RRBP1: variants seen among roughly 807,000 people sequenced by gnomAD.
RRBP1 encodes ribosome-binding protein 1.
RRBP1 carries 94 observed loss-of-function variants against 165.2 expected under a neutral mutation model. The ratio of observed to expected loss-of-function variants is 0.57; its 90% confidence interval spans 0.48 to 0.68. RRBP1 has a LOEUF of 0.68. RRBP1 is among the 30% of genes least tolerant of loss of function. The pLI is 0.00. For missense variants in RRBP1, 1,676 were observed against 1,763.0 expected (o/e 0.95, Z 0.88); for synonymous variants, 680 against 714.5 (o/e 0.95, Z 0.77).
chr20:17,650,783 C>T (rs2036542555), intron 3 of RRBP1, among the ~76,000 whole-genome samples: 1 of 152,214 alleles, frequency 6.6e-6, no homozygotes, highest in Non-Finnish European at 1.5e-5. Context: ...GGACAGCTCT[C>T]CTGCCAGTGT....
At chr20:17,656,473 C>G (rs2036647786) in intron 3 of RRBP1, among the ~76,000 whole-genome samples, 1 of 152,156 alleles carries the variant, frequency 6.6e-6, no homozygotes, top group Non-Finnish European at 1.5e-5. Flanking sequence ...AAGTGCTTGG[C>G]GGGTCTAAGA....
intron 9 of RRBP1, 29 bp downstream of exon 9, chr20:17,629,794 A>AC: frequency 1.3e-6 from 2 of 1,582,880 alleles, no homozygotes; most frequent in South Asian, 2.2e-5. Context: ...CCTGCACTGA[A>AC]CCCCCGGCCC....
At chr20:17,641,573 A>AG (rs1286352574) in intron 5 of RRBP1, 3 of 593,006 alleles carry the variant, frequency 5.1e-6, no homozygotes, top group Non-Finnish European at 9.0e-6. Context: ...ACAGCCACGA[A>AG]GGAAGCCACC....
At chr20:17,661,516 A>C (rs2036766068) in intron 2 of RRBP1, among the ~76,000 whole-genome samples, 1 of 152,236 alleles carries the variant, frequency 6.6e-6, no homozygotes, top group African/African-American at 2.4e-5. Context: ...AATGGGTCAG[A>C]GGCATCCAGG....
chr20:17,624,565 C>A lies in RRBP1; in HGVS notation c.3147+11G>T. On this transcript the variant is annotated intron_variant, in intron 13 of 24. Transcript: ENST00000377813. ...TCCATGGTGGGGGTGTGAGTGTGGT[C>A]GGGCTCTGACCTTGGCCTGGGTCAG... 2.5e-6 allele frequency: 4 copies of A among 1,574,662 alleles called. No homozygotes were observed. Among genetic ancestry groups the A allele is most frequent in the Non-Finnish European group, 3.5e-6 (4 of 1,156,292 alleles).
intron 3 of RRBP1, among the ~76,000 whole-genome samples, chr20:17,653,911 C>T (rs1476042657): frequency 3.3e-5 from 5 of 152,082 alleles, no homozygotes; most frequent in Non-Finnish European, 5.9e-5. Context: ...CTCACAACCC[C>T]CAGCCACCAA....
chr20:17,666,723 G>C lies in RRBP1; in HGVS notation c.-21-6195C>G, dbSNP rs554402984. Reference sequence around the variant, plus strand: ...AGTCTGTGCAATAAGCTGCCTTGTAGCATTCGCAAGTTACTACTTCTAATG... The same window carrying C: ...AGTCTGTGCAATAAGCTGCCTTGTACCATTCGCAAGTTACTACTTCTAATG... On this transcript the variant is annotated intron_variant, in intron 2 of 24. Coordinates refer to ENST00000377813, the MANE Select transcript of RRBP1 (RefSeq NM_001365613.2). 4.6e-5 allele frequency among the ~76,000 whole-genome samples: 7 copies of C among 152,368 alleles called. No homozygotes were observed. In the East Asian group the frequency reaches 1.3e-3, roughly 29 times the overall value.
At chr20:17,636,441 C>T in intron 6 of RRBP1, 136 bp downstream of exon 6, 2 of 1,051,278 alleles carry the variant, frequency 1.9e-6, no homozygotes, top group East Asian at 2.5e-5. Context: ...CTAAACCTGA[C>T]CAGACCTTAC....
chr20:17,639,159 A>C (rs1397492417), intron 5 of RRBP1, among the ~76,000 whole-genome samples: 1 of 152,148 alleles, frequency 6.6e-6, no homozygotes, highest in African/African-American at 2.4e-5. Flanking sequence ...TGGTTACATC[A>C]CTGGAGCTCT....
chr20:17,635,745 C>T, intron 6 of RRBP1, 81 bp from the exon 7 acceptor site: 3 of 1,031,590 alleles, frequency 2.9e-6, no homozygotes, highest in Non-Finnish European at 1.5e-6. Context: ...TTAGTGAAGA[C>T]ACAGCCCACA....
At position 17,659,161 on chromosome 20, in the gene RRBP1, G is replaced by A; in HGVS notation, c.1347C>T (p.Gly449=). The A allele has an allele frequency of 6.5e-7, 1 of 1,548,930 alleles. No individual in the cohort carries two copies. The highest frequency in any genetic ancestry group is 1.2e-5 in the South Asian group (1 of 83,910). The change falls in exon 3 of 25, where the codon GGC becomes GGT. Residue 449 remains glycine (G), a synonymous_variant. Coordinates refer to ENST00000377813, the MANE Select transcript of RRBP1 (RefSeq NM_001365613.2). ...GKKAEGAQNQ[G]KKAEGAQNQG... ...GGTTCTGGGCCCCCTCGGCCTTCTT[G>A]CCCTGGTTCTGGGCCCCCTCGGCCT...
At chr20:17,630,058 A>G in intron 8 of RRBP1, 97 bp from the exon 9 acceptor site, 1 of 1,336,582 alleles carries the variant, frequency 7.5e-7, no homozygotes, top group Non-Finnish European at 1.0e-6. Context: ...TACCCCACCA[A>G]AGCCCCGTGC....
chr20:17,635,324 G>A (rs1369538698), intron 7 of RRBP1, among the ~76,000 whole-genome samples: 3 of 152,340 alleles, frequency 2.0e-5, no homozygotes, highest in Non-Finnish European at 2.9e-5. Context: ...GTGCTCCAGG[G>A]CACAGTCGAG....
intron 11 of RRBP1, among the ~76,000 whole-genome samples, chr20:17,626,403 C>T (rs1444538688): frequency 6.6e-6 from 1 of 152,166 alleles, no homozygotes; most frequent in Admixed American, 6.5e-5. Context: ...TCATTCTGGG[C>T]CCTCAGGGCA....
rs1461207225 is a variant in RRBP1 at position 17,620,298 on chromosome 20, C to T, written c.3579+1G>A. ...AAGAGTTCTCTGAGCAGAGCACATACCTGGTCCGAACTTTCAAGTTCTCCT... is the reference window on the plus strand; with the variant it reads ...AAGAGTTCTCTGAGCAGAGCACATATCTGGTCCGAACTTTCAAGTTCTCCT... On this transcript the variant is annotated splice_donor_variant, in intron 18 of 24. Coordinates refer to ENST00000377813, the MANE Select transcript of RRBP1 (RefSeq NM_001365613.2). LOFTEE classifies it high-confidence loss of function. The T allele has an allele frequency of 6.2e-7, 1 of 1,611,430 alleles. No homozygotes were observed. Among genetic ancestry groups the T allele is most frequent in the Admixed American group, 1.7e-5 (1 of 60,024 alleles).
At chr20:17,670,482 A>G (rs1338951368) in intron 2 of RRBP1, among the ~76,000 whole-genome samples, 1 of 151,098 alleles carries the variant, frequency 6.6e-6, no homozygotes, top group Admixed American at 6.6e-5. Context: ...CACAAAATTC[A>G]AAGTTAAACA....
intron 9 of RRBP1, among the ~76,000 whole-genome samples, chr20:17,629,477 AC>A (rs1196028089): frequency 6.6e-6 from 1 of 151,988 alleles, no homozygotes; most frequent in Non-Finnish European, 1.5e-5. Flanking sequence ...GCCACTGCGG[AC>A]CCAGGCTTGG....
intron 9 of RRBP1, 103 bp downstream of exon 9, chr20:17,629,720 A>T (rs896577320): frequency 8.0e-7 from 1 of 1,249,444 alleles, no homozygotes; most frequent in African/African-American, 1.5e-5. Context: ...CCCTCACCCA[A>T]CAGGCCTAAC....
chr20:17,641,011 C>T (rs2036346246), intron 5 of RRBP1, among the ~76,000 whole-genome samples: 1 of 152,184 alleles, frequency 6.6e-6, no homozygotes, highest in South Asian at 2.1e-4. Context: ...TGCGGTGCTG[C>T]ATGGGGCAAA....
Sources: gnomAD v4.1 joint callset for allele counts (sites outside exome capture counted in the v4.1 genomes callset) on GRCh38, gnomAD v4.1.1 for gene constraint, MANE v1.5 for transcripts, NCBI Gene and HGNC (gene_info 2026-07-23, HGNC 2026-07-21) for gene names.